MALRD1: variants seen among roughly 807,000 people sequenced by gnomAD.
MALRD1 encodes the protein MAM and LDL-receptor class A domain-containing protein 1.
MALRD1 carries 247 observed loss-of-function variants against 242.1 expected under a neutral mutation model. The ratio of observed to expected loss-of-function variants is 1.02; its 90% confidence interval spans 0.92 to 1.13. The LOEUF (loss-of-function observed/expected upper bound fraction) is 1.13, where lower values mean the gene tolerates loss of function less well. Ranked by LOEUF, MALRD1 falls within the 50% of genes most tolerant of loss-of-function variation. The probability of loss-of-function intolerance (pLI) is 0.00; values close to 1 mark genes in which losing one functional copy is unlikely to be tolerated. For missense variants in MALRD1, 2,989 were observed against 2,533.1 expected, an observed-to-expected ratio of 1.18 and a Z score of -3.86; for synonymous variants, 995 against 866.6, an observed-to-expected ratio of 1.15 and a Z score of -2.60.
intron 36 of MALRD1, among the ~76,000 whole-genome samples, chr10:19,626,787 A>G (rs1270235472): frequency 2.0e-5 from 3 of 152,134 alleles, no homozygotes; most frequent in African/African-American, 4.8e-5. Flanking sequence ...ATATTGCACA[A>G]ATGACCATTA....
intron 1 of MALRD1, among the ~76,000 whole-genome samples, chr10:19,064,356 G>A (rs982371970): frequency 3.9e-5 from 6 of 152,132 alleles, no homozygotes; most frequent in African/African-American, 1.2e-4. Flanking sequence ...TGGATGTGTG[G>A]CATATGGAGT....
At chr10:19,417,199 G>A (rs1432983224) in intron 28 of MALRD1, among the ~76,000 whole-genome samples, 3 of 151,964 alleles carry the variant, frequency 2.0e-5, no homozygotes, top group South Asian at 2.1e-4. Context: ...TCTTCACATG[G>A]TCTCTCTGGG....
intron 19 of MALRD1, among the ~76,000 whole-genome samples, chr10:19,270,334 T>TCACACACACACA (rs1295856463): frequency 1.2e-4 from 9 of 75,728 alleles, no homozygotes; most frequent in Admixed American, 4.5e-4. Context: ...TCTCTCTCTC[T>TCACACACACACA]CTCACACACA....
At chr10:19,612,012 T>G (rs1388010611) in intron 35 of MALRD1, among the ~76,000 whole-genome samples, 1 of 152,066 alleles carries the variant, frequency 6.6e-6, no homozygotes, top group East Asian at 1.9e-4. Flanking sequence ...CTGTAGTAAA[T>G]TTAAATATGA....
intron 38 of MALRD1, among the ~76,000 whole-genome samples, chr10:19,696,529 A>G (rs1833385618): frequency 1.3e-5 from 2 of 152,154 alleles, no homozygotes; most frequent in Non-Finnish European, 2.9e-5. Flanking sequence ...ATAAGCAGAC[A>G]GCTATCTTGA....
chr10:19,558,181 A>G (rs1410133905), intron 32 of MALRD1, among the ~76,000 whole-genome samples: 10 of 152,238 alleles, frequency 6.6e-5, no homozygotes, highest in African/African-American at 2.2e-4. Context: ...AGAGACAATC[A>G]TGTCATCTAT....
chr10:19,272,031 C>T (rs8181385), intron 19 of MALRD1, among the ~76,000 whole-genome samples: 52,682 of 151,744 alleles, frequency 0.35, 9,472 homozygotes, highest in Admixed American at 0.49. Flanking sequence ...AAAATGTAAA[C>T]AAGTGAGAAA....
intron 38 of MALRD1, among the ~76,000 whole-genome samples, chr10:19,718,375 C>T (rs189446138): frequency 6.6e-6 from 1 of 152,192 alleles, no homozygotes; most frequent in East Asian, 1.9e-4. Context: ...GGAGCTTTTA[C>T]TAATGGCAGA....
intron 36 of MALRD1, among the ~76,000 whole-genome samples, chr10:19,691,662 C>T (rs1018862370): frequency 5.9e-5 from 9 of 152,066 alleles, no homozygotes; most frequent in Non-Finnish European, 4.4e-5. Flanking sequence ...TCATTCGTAA[C>T]TTTCTCAAGA....
At chr10:19,148,788 A>AAAATATATATATATATATATATATAT (rs1206724666) in intron 11 of MALRD1, among the ~76,000 whole-genome samples, 21 of 88,038 alleles carry the variant, frequency 2.4e-4, no homozygotes, top group African/African-American at 5.7e-4. Context: ...AAAAAAAAAA[A>AAAATATATATATATATATATATATAT]ATATATATAT....
chr10:19,493,615 C>T (rs1439191889), intron 30 of MALRD1, among the ~76,000 whole-genome samples: 1 of 150,394 alleles, frequency 6.6e-6, no homozygotes, highest in Non-Finnish European at 1.5e-5. Flanking sequence ...CAAGACCAGC[C>T]TGGCCAACAT....
intron 12 of MALRD1, among the ~76,000 whole-genome samples, chr10:19,161,644 A>C (rs374456592): frequency 2.6e-5 from 4 of 150,966 alleles, no homozygotes; most frequent in Admixed American, 1.3e-4. Context: ...CATGCTTTGC[A>C]GACCTGTTTA....
intron 36 of MALRD1, among the ~76,000 whole-genome samples, chr10:19,682,885 C>T (rs1842431428): frequency 6.6e-6 from 1 of 152,138 alleles, no homozygotes; most frequent in South Asian, 2.1e-4. Context: ...ATAGAAACCT[C>T]ATCTGGGCAT....
At chr10:19,194,729 C>T (rs1220583493) in intron 14 of MALRD1, among the ~76,000 whole-genome samples, 1 of 152,094 alleles carries the variant, frequency 6.6e-6, no homozygotes, top group African/African-American at 2.4e-5. Flanking sequence ...TCTCAGTTTT[C>T]CTTGATAAAG....
intron 33 of MALRD1, among the ~76,000 whole-genome samples, chr10:19,576,529 T>A (rs528439059): frequency 6.6e-6 from 1 of 152,272 alleles, no homozygotes; most frequent in South Asian, 2.1e-4. Context: ...ATACATAAAT[T>A]CATACAAGTT....
At chr10:19,546,282 T>A (rs1190347660) in intron 32 of MALRD1, among the ~76,000 whole-genome samples, 1 of 152,216 alleles carries the variant, frequency 6.6e-6, no homozygotes. Context: ...TCATATTTCT[T>A]TGATGTAAAG....
At chr10:19,342,361 AT>A (rs148449578) in intron 24 of MALRD1, among the ~76,000 whole-genome samples, 1,536 of 152,242 alleles carry the variant, frequency 0.01, 21 homozygotes, top group African/African-American at 0.027. Flanking sequence ...TTACTACCAG[AT>A]TTCCTTTTCA....
At chr10:19,524,728 GA>G (rs113783958) in intron 31 of MALRD1, among the ~76,000 whole-genome samples, 42,535 of 150,628 alleles carry the variant, frequency 0.28, 7,994 homozygotes, top group African/African-American at 0.54. Context: ...AGGAAAATGA[GA>G]AAAAAAAAGT....
At chr10:19,363,310 C>T (rs1035113097) in intron 26 of MALRD1, among the ~76,000 whole-genome samples, 2 of 151,844 alleles carry the variant, frequency 1.3e-5, no homozygotes, top group African/African-American at 4.8e-5. Context: ...ATTATGAGGT[C>T]AAGAGATAAA....
Sources: gnomAD v4.1 joint callset for allele counts (sites outside exome capture counted in the v4.1 genomes callset) on GRCh38, gnomAD v4.1.1 for gene constraint, MANE v1.5 for transcripts, NCBI Gene and HGNC (gene_info 2026-07-23, HGNC 2026-07-21) for gene names.